Variants in SYTL3 observed in about 807,000 individuals in gnomAD.
SYTL3 encodes the protein synaptotagmin-like protein 3.
A neutral mutation model predicts 82.1 loss-of-function variants in SYTL3; 88 were observed. The ratio of observed to expected loss-of-function variants is 1.07; its 90% CI spans 0.90 to 1.28. The LOEUF is 1.28. Ranked by LOEUF, SYTL3 falls within the 50% of genes most tolerant of loss-of-function variation. SYTL3 has a pLI of 0.00. For missense variants in SYTL3, 831 were observed against 757.6 expected (o/e 1.10, Z -1.14); for synonymous variants, 311 against 289.4 (o/e 1.07, Z -0.76).
chr6:158,711,064 GCCACCTCGCCCAGCCAGGT>G (rs568172104), intron 8 of SYTL3, among the ~76,000 whole-genome samples: 198 of 152,288 alleles, frequency 1.3e-3, no homozygotes, highest in Non-Finnish European at 2.1e-3. Context: ...ACAGGCGTGA[GCCACCTCGCCCAGCCAGGT>G]CTACGCATTT....
At chr6:158,704,593 G>A (rs908079083) in intron 6 of SYTL3, among the ~76,000 whole-genome samples, 1 of 152,272 alleles carries the variant, frequency 6.6e-6, no homozygotes, top group African/African-American at 2.4e-5. Flanking sequence ...GGGCAATAAG[G>A]GACAATTGGT....
At chr6:158,680,400 C>T (rs774086344) in intron 5 of SYTL3, among the ~76,000 whole-genome samples, 3 of 152,058 alleles carry the variant, frequency 2.0e-5, no homozygotes, top group Non-Finnish European at 4.4e-5. Flanking sequence ...CACAGTTGTA[C>T]ACTTTATATA....
rs199688801 is a variant in SYTL3 at position 158,745,666 on chromosome 6, GT to G, written c.1034+16del. ...GAAGAAAAAGTGCAATCCGTAAGTT[GT>G]TTTTTTTAAGTTTAACATGAGACAT... On this transcript the variant is annotated intron_variant, in intron 12 of 17. Coordinates refer to ENST00000611299, the MANE Select transcript of SYTL3 (RefSeq NM_001242394.2). 5 of 1,565,356 alleles carry G rather than the reference GT, an allele frequency of 3.2e-6. No homozygotes were observed. The highest frequency in any genetic ancestry group is 1.2e-5 in the South Asian group (1 of 83,650).
chr6:158,645,876 A>G (rs967336282), upstream of SYTL3, among the ~76,000 whole-genome samples: 47 of 152,176 alleles, frequency 3.1e-4, no homozygotes, highest in African/African-American at 1.1e-3. Context: ...TTAGCTCAAA[A>G]TCTCCTACAG....
intron 6 of SYTL3, among the ~76,000 whole-genome samples, chr6:158,694,064 T>G (rs906288403): frequency 6.6e-6 from 1 of 152,122 alleles, no homozygotes; most frequent in Non-Finnish European, 1.5e-5. Flanking sequence ...AGAGGAAAGA[T>G]AAACACATCA....
intron 6 of SYTL3, among the ~76,000 whole-genome samples, chr6:158,700,112 C>A (rs1261448448): frequency 1.3e-5 from 2 of 151,802 alleles, no homozygotes; most frequent in Non-Finnish European, 2.9e-5. Flanking sequence ...CAAAAGTAGC[C>A]AGGCGTGGTG....
In SYTL3 at chr6:158,763,512, A is replaced by C. The variant is rs139949745; in HGVS notation, c.1723+3A>C. ...TGGAGGAACCAGACTTGGTTCAAGT[A>C]AGTCTGAGACATTGAGCCCAAACGT... On this transcript the variant is annotated splice_donor_region_variant and intron_variant, in intron 17 of 17. Coordinates refer to ENST00000611299, the MANE Select transcript of SYTL3 (RefSeq NM_001242394.2). 3.1e-6 allele frequency: 5 copies of C among 1,613,350 alleles called. No homozygotes were observed. In the East Asian group the frequency reaches 6.7e-5, roughly 22 times the overall value.
rs756485892 is a variant in SYTL3 at position 158,708,334 on chromosome 6, G to T, written c.459G>T (p.Val153=). ...TTTTCCTTGGCAGCAAAATTTCTGT[G>T]GTTCCTCCTACTCCACCTCCTGTCA... ...QSYQKLSKIS[V]VPPTPPPVSE... is the part of the protein sequence containing the mutation. Residue 153 remains valine (V), a synonymous_variant, in exon 8 of 18, where the codon GTG becomes GTT. Transcript: ENST00000611299. The T allele has an allele frequency of 6.2e-7, 1 of 1,614,028 alleles. No homozygotes were observed. The highest frequency in any genetic ancestry group is 2.2e-5 in the East Asian group (1 of 44,896).
chr6:158,707,159 C>G (rs774518207), intron 6 of SYTL3, 71 bp from the exon 7 acceptor site: 1 of 1,426,016 alleles, frequency 7.0e-7, no homozygotes, highest in South Asian at 1.2e-5. Flanking sequence ...TTTTAATCTA[C>G]TATTTCCTGT....
intron 4 of SYTL3, among the ~76,000 whole-genome samples, chr6:158,664,255 A>G (rs371571250): frequency 3.9e-5 from 6 of 152,358 alleles, no homozygotes; most frequent in African/African-American, 1.4e-4. Context: ...ATTAAAAACT[A>G]TAATACAGTC....
At chr6:158,761,801 A>G (rs980830815) in intron 15 of SYTL3, among the ~76,000 whole-genome samples, 1 of 152,162 alleles carries the variant, frequency 6.6e-6, no homozygotes, top group Non-Finnish European at 1.5e-5. Flanking sequence ...AAACTTCGGC[A>G]TCTTCCCTCT....
At chr6:158,749,901 C>T (rs991866162) in intron 12 of SYTL3, among the ~76,000 whole-genome samples, 3 of 152,140 alleles carry the variant, frequency 2.0e-5, no homozygotes, top group Non-Finnish European at 2.9e-5. Context: ...TTGGCATCAT[C>T]TAGAAGAGTT....
At chr6:158,698,881 A>G (rs939945257) in intron 6 of SYTL3, among the ~76,000 whole-genome samples, 1 of 152,134 alleles carries the variant, frequency 6.6e-6, no homozygotes, top group African/African-American at 2.4e-5. Flanking sequence ...AGATAGCCCC[A>G]CCTGTGCTTT....
At chr6:158,653,251 A>G (rs1788256823) in intron 2 of SYTL3, among the ~76,000 whole-genome samples, 1 of 152,118 alleles carries the variant, frequency 6.6e-6, no homozygotes, top group South Asian at 2.1e-4. Flanking sequence ...TCACACCTGT[A>G]ATCCCAGCAC....
At chr6:158,669,463 C>T (rs1311727346) in intron 5 of SYTL3, among the ~76,000 whole-genome samples, 1 of 152,170 alleles carries the variant, frequency 6.6e-6, no homozygotes, top group Non-Finnish European at 1.5e-5. Context: ...GCTTTAGAAC[C>T]AAATTGGTTT....
intron 6 of SYTL3, among the ~76,000 whole-genome samples, chr6:158,684,824 A>C (rs1026862053): frequency 2.0e-5 from 3 of 152,058 alleles, no homozygotes; most frequent in South Asian, 2.1e-4. Flanking sequence ...AAAAAAAAAA[A>C]AAACGCTGCT....
chr6:158,723,495 A>G (rs534007281), intron 10 of SYTL3, among the ~76,000 whole-genome samples: 97 of 152,086 alleles, frequency 6.4e-4, no homozygotes, highest in Admixed American at 6.5e-4. Flanking sequence ...TCTTGCCAAC[A>G]TTCAACTTTG....
chr6:158,665,743 G>A (rs1490139346), intron 5 of SYTL3, 130 bp downstream of exon 5: 3 of 614,700 alleles, frequency 4.9e-6, no homozygotes, highest in African/African-American at 3.7e-5. Flanking sequence ...GTGCCTGATA[G>A]GGAGCTACCT....
At chr6:158,683,215 CTT>C (rs35183958) in intron 6 of SYTL3, among the ~76,000 whole-genome samples, 11,198 of 91,668 alleles carry the variant, frequency 0.12, 381 homozygotes, top group African/African-American at 0.28. Context: ...GGCCCTATTC[CTT>C]TTTTTTTTTT....
Sources: gnomAD v4.1 joint callset for allele counts (sites outside exome capture counted in the v4.1 genomes callset) on GRCh38, gnomAD v4.1.1 for gene constraint, MANE v1.5 for transcripts, NCBI Gene and HGNC (gene_info 2026-07-23, HGNC 2026-07-21) for gene names.